Variants in TAOK3 observed in about 807,000 individuals in gnomAD.
The protein encoded by TAOK3 is serine/threonine-protein kinase TAO3.
TAOK3 carries 40 observed loss-of-function variants against 120.4 expected under a neutral mutation model. The observed-to-expected ratio is 0.33, with a 90% CI of 0.26 to 0.43. The LOEUF is 0.43. Ranked by LOEUF, TAOK3 falls within the 20% of genes least tolerant of loss-of-function variation. The pLI is 1.00. For synonymous variants in TAOK3, 355 were observed against 387.5 expected (o/e 0.92, Z 0.99); for missense variants, 821 against 1,112.1 (o/e 0.74, Z 3.72).
chr12:118,357,377 C>G (rs1189992420), intron 1 of TAOK3, among the ~76,000 whole-genome samples: 1 of 152,168 alleles, frequency 6.6e-6, no homozygotes, highest in Non-Finnish European at 1.5e-5. Context: ...GTTTTAAATT[C>G]TGTCATCCTT....
chr12:118,292,917 C>G (rs11068900), intron 1 of TAOK3, among the ~76,000 whole-genome samples: 8,238 of 152,208 alleles, frequency 0.054, 460 homozygotes, highest in East Asian at 0.25. Context: ...TTTGGGGATG[C>G]CTTTATACCC....
intron 14 of TAOK3, among the ~76,000 whole-genome samples, chr12:118,189,541 C>G (rs1415533627): frequency 2.1e-4 from 4 of 18,982 alleles, no homozygotes; most frequent in African/African-American, 6.6e-4. Context: ...CACAGACACA[C>G]ACACACACAC....
At position 118,205,844 on chromosome 12, in the gene TAOK3, T is replaced by C. The variant is rs1298767; in HGVS notation, c.820-4381A>G. Among the ~76,000 whole-genome samples the C allele has an allele frequency of 2.2e-4, 33 of 151,918 alleles. No homozygotes were observed. The East Asian group carries it at 5.0e-3, about 23-fold the overall frequency. ...CAGGCTGGTCTCAAACTCCTGACCTTAGGTGATCCACCCACCTCAGCCTCC... is the reference window on the plus strand; with the variant it reads ...CAGGCTGGTCTCAAACTCCTGACCTCAGGTGATCCACCCACCTCAGCCTCC... On this transcript the variant is annotated intron_variant, in intron 11 of 20. Transcript: ENST00000392533.
intron 10 of TAOK3, among the ~76,000 whole-genome samples, chr12:118,213,813 C>T (rs1452363138): frequency 1.3e-5 from 2 of 152,098 alleles, no homozygotes; most frequent in Non-Finnish European, 2.9e-5. Context: ...CAGTGCAAGC[C>T]ATGGTGAAGG....
chr12:118,265,617 A>G (rs2041415824), intron 2 of TAOK3, among the ~76,000 whole-genome samples: 1 of 152,208 alleles, frequency 6.6e-6, no homozygotes, highest in South Asian at 2.1e-4. Context: ...AATAAGAGGA[A>G]AAAATATACT....
intron 14 of TAOK3, among the ~76,000 whole-genome samples, chr12:118,184,149 C>A (rs775812394): frequency 6.6e-6 from 1 of 152,166 alleles, no homozygotes; most frequent in Non-Finnish European, 1.5e-5. Context: ...TTGAATGCTT[C>A]CCATAATGTG....
chr12:118,169,000 CCTTTCTTT>C (rs1235486603), intron 17 of TAOK3, among the ~76,000 whole-genome samples: 2 of 54,066 alleles, frequency 3.7e-5, no homozygotes, highest in Admixed American at 2.3e-4. Context: ...TTCCTTCCTT[CCTTTCTTT>C]CTTTCTTTCT....
At chr12:118,357,494 C>T (rs970918953) in intron 1 of TAOK3, among the ~76,000 whole-genome samples, 1 of 152,152 alleles carries the variant, frequency 6.6e-6, no homozygotes, top group African/African-American at 2.4e-5. Context: ...GAAGGTTAAG[C>T]ACGTTTTAAG....
rs146761304 is a variant in TAOK3 at position 118,163,160 on chromosome 12, C to G, written c.1900-1133G>C. Among the ~76,000 whole-genome samples, 10 of 152,278 alleles carry G rather than the reference C, an allele frequency of 6.6e-5. No homozygotes were observed. In the East Asian group the frequency reaches 1.7e-3, roughly 27 times the overall value. ...CTGGAATTAAGGCATATAAAAACCA[C>G]ATATGTGGTAGTCATCTGCTGCTAT... is the stretch of plus-strand genomic sequence containing the variant. On this transcript the variant is annotated intron_variant, in intron 17 of 20. Coordinates refer to ENST00000392533, the MANE Select transcript of TAOK3 (RefSeq NM_016281.4).
chr12:118,298,071 T>G (rs981864798), intron 1 of TAOK3, among the ~76,000 whole-genome samples: 1 of 152,192 alleles, frequency 6.6e-6, no homozygotes, highest in African/African-American at 2.4e-5. Context: ...TGAGCCATCA[T>G]GCCTAGCCAC....
chr12:118,286,761 T>A (rs2140474529), intron 1 of TAOK3, among the ~76,000 whole-genome samples: 1 of 152,278 alleles, frequency 6.6e-6, no homozygotes, highest in East Asian at 1.9e-4. Context: ...AAAAAGATAT[T>A]TGCACATGCA....
chr12:118,263,099 T>G (rs2041302145), intron 2 of TAOK3, among the ~76,000 whole-genome samples: 1 of 152,166 alleles, frequency 6.6e-6, no homozygotes, highest in Non-Finnish European at 1.5e-5. Context: ...AACTTTATTA[T>G]AAATCTACAG....
intron 19 of TAOK3, among the ~76,000 whole-genome samples, chr12:118,156,931 G>A (rs538250210): frequency 1.3e-5 from 2 of 152,124 alleles, no homozygotes; most frequent in East Asian, 1.9e-4. Context: ...GTAGAGACAG[G>A]GTTTTACCAC....
chr12:118,343,987 G>A (rs2044742492), intron 1 of TAOK3, among the ~76,000 whole-genome samples: 1 of 151,260 alleles, frequency 6.6e-6, no homozygotes, highest in African/African-American at 2.4e-5. Context: ...ACTCCAGCCT[G>A]GGGGACAGAG....
chr12:118,255,749 T>A, intron 2 of TAOK3, 94 bp from the exon 3 acceptor site: 1 of 579,864 alleles, frequency 1.7e-6, no homozygotes, highest in Non-Finnish European at 2.8e-6. Flanking sequence ...CCTCTTGGTC[T>A]CACAACTCAA....
chr12:118,265,925 T>C (rs930846718), intron 2 of TAOK3, among the ~76,000 whole-genome samples: 2 of 152,200 alleles, frequency 1.3e-5, no homozygotes, highest in Non-Finnish European at 2.9e-5. Flanking sequence ...TTTGTTTCTG[T>C]GTATTTTCTA....
intron 9 of TAOK3, among the ~76,000 whole-genome samples, chr12:118,217,795 G>GCA (rs2038984544): frequency 2.5e-5 from 2 of 81,276 alleles, no homozygotes; most frequent in African/African-American, 9.0e-5. Context: ...ATGTATGTAT[G>GCA]TATGTGTGTG....
chr12:118,231,988 T>C (rs2039806025), intron 9 of TAOK3, among the ~76,000 whole-genome samples: 1 of 152,008 alleles, frequency 6.6e-6, no homozygotes, highest in Non-Finnish European at 1.5e-5. Context: ...AAGTTTAACA[T>C]TTTTGATTTA....
intron 17 of TAOK3, among the ~76,000 whole-genome samples, chr12:118,169,205 A>G (rs795474): frequency 0.71 from 107,317 of 150,968 alleles, 38,214 homozygotes; most frequent in South Asian, 0.77. Context: ...GTAGAGACAG[A>G]GTTTCACCAT....
Sources: allele counts gnomAD v4.1 joint callset (sites outside exome capture counted in the v4.1 genomes callset), GRCh38; gene constraint gnomAD v4.1.1; transcripts MANE v1.5; gene names NCBI Gene and HGNC (gene_info 2026-07-23, HGNC 2026-07-21).